HIVEP3: variants seen among roughly 807,000 people sequenced by gnomAD.
HIVEP3 encodes the protein transcription factor HIVEP3.
HIVEP3 carries 49 observed loss-of-function variants against 152.8 expected under a neutral mutation model. The observed-to-expected ratio is 0.32, with a 90% CI of 0.26 to 0.41. The LOEUF (loss-of-function observed/expected upper bound fraction) is 0.41. Among genes scored for constraint, HIVEP3 ranks in the 10% least tolerant of loss-of-function variants. The probability of loss-of-function intolerance (pLI) is 1.00; values close to 1 mark genes in which losing one functional copy is unlikely to be tolerated. For synonymous variants in HIVEP3, 1,269 were observed against 1,289.0 expected, an observed-to-expected ratio of 0.98 and a Z score of 0.33; for missense variants, 2,790 against 3,103.3, an observed-to-expected ratio of 0.90 and a Z score of 2.40.
At chr1:41,983,061 C>A (rs1335873961) in intron 1 of HIVEP3, among the ~76,000 whole-genome samples, 1 of 152,176 alleles carries the variant, frequency 6.6e-6, no homozygotes, top group Non-Finnish European at 1.5e-5. Flanking sequence ...CCCTTGCATG[C>A]GCAGTTCACA....
intron 5 of HIVEP3, among the ~76,000 whole-genome samples, chr1:41,527,134 CCT>C (rs779408150): frequency 1.5e-5 from 2 of 137,196 alleles, no homozygotes; most frequent in African/African-American, 2.7e-5. Context: ...TCACACACAC[CCT>C]CACACACCCT....
upstream of HIVEP3, among the ~76,000 whole-genome samples, chr1:41,919,569 C>A (rs148818131): frequency 5.5e-3 from 844 of 152,304 alleles, 16 homozygotes; most frequent in African/African-American, 0.02. Flanking sequence ...ACCACCTGAA[C>A]CTTAGTTAGA....
chr1:41,828,185 G>C (rs1236910912), intron 1 of HIVEP3, among the ~76,000 whole-genome samples: 1 of 152,224 alleles, frequency 6.6e-6, no homozygotes, highest in African/African-American at 2.4e-5. Context: ...GTAGTTAAGA[G>C]TTTAGAGGGT....
At chr1:41,962,184 A>G (rs1043030655) in intron 1 of HIVEP3, among the ~76,000 whole-genome samples, 1 of 152,228 alleles carries the variant, frequency 6.6e-6, no homozygotes, top group Admixed American at 6.5e-5. Context: ...ACAAAAGAGG[A>G]AAGGGCAATA....
intron 2 of HIVEP3, among the ~76,000 whole-genome samples, chr1:41,681,060 C>T (rs1646030686): frequency 6.6e-6 from 1 of 151,888 alleles, no homozygotes; most frequent in Non-Finnish European, 1.5e-5. Flanking sequence ...TATTCCAAAG[C>T]TCTTATCATT....
intron 1 of HIVEP3, among the ~76,000 whole-genome samples, chr1:41,928,823 T>A (rs1166926630): frequency 6.6e-6 from 1 of 152,138 alleles, no homozygotes; most frequent in East Asian, 1.9e-4. Context: ...TCTCAGTGCA[T>A]CAAACTGGGG....
intron 1 of HIVEP3, among the ~76,000 whole-genome samples, chr1:41,859,369 T>A (rs189589161): frequency 2.4e-4 from 36 of 152,324 alleles, no homozygotes; most frequent in Admixed American, 3.9e-4. Context: ...AAAAATAGAT[T>A]TTCGTAAACA....
chr1:41,862,296 C>T (rs1643897387), intron 1 of HIVEP3, among the ~76,000 whole-genome samples: 3 of 152,182 alleles, frequency 2.0e-5, no homozygotes, highest in African/African-American at 4.8e-5. Context: ...TTGCTCCTTC[C>T]GTTGATGCTC....
intron 1 of HIVEP3, among the ~76,000 whole-genome samples, chr1:41,955,691 A>G (rs1645136771): frequency 6.6e-6 from 1 of 152,092 alleles, no homozygotes. Flanking sequence ...TTGTTCTCTC[A>G]TTTTTGTCCT....
intron 1 of HIVEP3, among the ~76,000 whole-genome samples, chr1:41,845,684 G>A (rs1475273961): frequency 1.3e-5 from 2 of 152,136 alleles, no homozygotes; most frequent in East Asian, 3.8e-4. Flanking sequence ...AGATGGCTGG[G>A]CATGTAAACT....
chr1:41,673,102 C>G (rs1469164296), intron 2 of HIVEP3, among the ~76,000 whole-genome samples: 2 of 152,190 alleles, frequency 1.3e-5, no homozygotes, highest in Non-Finnish European at 2.9e-5. Context: ...TCCCCCTGCC[C>G]CCTCCCCAGG....
At chr1:41,541,615 C>A (rs964793217) in intron 5 of HIVEP3, among the ~76,000 whole-genome samples, 1 of 152,318 alleles carries the variant, frequency 6.6e-6, no homozygotes, top group African/African-American at 2.4e-5. Flanking sequence ...GAAGCTTCCC[C>A]TGACCCTGAG....
chr1:41,635,724 G>A (rs993971892), intron 2 of HIVEP3, among the ~76,000 whole-genome samples: 31 of 152,050 alleles, frequency 2.0e-4, no homozygotes, highest in African/African-American at 7.0e-4. Context: ...CAAATCGGTG[G>A]CAAATCTGAC....
At chr1:41,845,401 C>T (rs963697036) in intron 1 of HIVEP3, among the ~76,000 whole-genome samples, 2 of 135,628 alleles carry the variant, frequency 1.5e-5, no homozygotes, top group Admixed American at 7.8e-5. Context: ...TACACACCTC[C>T]TATACACACA....
At chr1:41,656,707 C>T (rs1570241054) in intron 2 of HIVEP3, among the ~76,000 whole-genome samples, 1 of 152,208 alleles carries the variant, frequency 6.6e-6, no homozygotes, top group African/African-American at 2.4e-5. Context: ...AACTAACACT[C>T]ACAGTGCCCT....
chr1:41,787,854 G>A (rs1301687810), intron 1 of HIVEP3, among the ~76,000 whole-genome samples: 1 of 152,130 alleles, frequency 6.6e-6, no homozygotes, highest in Non-Finnish European at 1.5e-5. Context: ...ATTTTCAAGG[G>A]GGAGGGAATT....
chr1:41,557,541 A>G (rs1643985904), intron 5 of HIVEP3, among the ~76,000 whole-genome samples: 1 of 152,158 alleles, frequency 6.6e-6, no homozygotes, highest in Non-Finnish European at 1.5e-5. Context: ...TTGGGGAATG[A>G]AGGCGCAGGC....
intron 1 of HIVEP3, among the ~76,000 whole-genome samples, chr1:41,711,371 C>T (rs1275362207): frequency 6.6e-6 from 1 of 152,224 alleles, no homozygotes; most frequent in Non-Finnish European, 1.5e-5. Context: ...CTGGCAGTTG[C>T]TGGGCTATAG....
At chr1:41,906,884 A>C (rs1644722065) in intron 1 of HIVEP3, among the ~76,000 whole-genome samples, 1 of 144,492 alleles carries the variant, frequency 6.9e-6, no homozygotes. Context: ...GTCTCTCCTC[A>C]AAGTCTACCA....
Sources: allele counts gnomAD v4.1 joint callset (sites outside exome capture counted in the v4.1 genomes callset), GRCh38; gene constraint gnomAD v4.1.1; transcripts MANE v1.5; gene names NCBI Gene and HGNC (gene_info 2026-07-23, HGNC 2026-07-21).